The following EHBP1 variants were observed in gnomAD, a reference collection of about 807,000 sequenced individuals.
EHBP1 encodes EH domain binding protein 1.
Under a neutral mutation model 144.0 loss-of-function variants are expected in EHBP1, and 55 were observed. That is an observed-to-expected ratio of 0.38 (90% confidence interval 0.31 to 0.48). EHBP1 has a LOEUF of 0.48. Among genes scored for constraint, EHBP1 ranks in the 20% least tolerant of loss-of-function variants. The pLI is 0.98. For synonymous variants in EHBP1, 469 were observed against 472.7 expected (o/e 0.99, Z 0.10); for missense variants, 1,200 against 1,364.2 (o/e 0.88, Z 1.90).
At chr2:63,015,676 G>A (rs1478368351) in intron 19 of EHBP1, among the ~76,000 whole-genome samples, 3 of 151,892 alleles carry the variant, frequency 2.0e-5, no homozygotes, top group Admixed American at 2.0e-4. Flanking sequence ...ACATTAATAT[G>A]TCTATTTTCA....
intron 10 of EHBP1, among the ~76,000 whole-genome samples, chr2:62,880,461 A>G (rs769199665): frequency 2.0e-5 from 3 of 152,184 alleles, no homozygotes; most frequent in Non-Finnish European, 4.4e-5. Flanking sequence ...GAGTAAACAG[A>G]CAATCTACAG....
In EHBP1 at chr2:62,731,894, G is replaced by A. The variant is rs533090495; in HGVS notation, c.105-15501G>A. Among the ~76,000 whole-genome samples, 5 of 152,168 alleles carry A rather than the reference G, an allele frequency of 3.3e-5. No homozygotes were observed. The South Asian group carries it at 8.3e-4, about 25-fold the overall frequency. ...ATTTTTTACAAAACAGTTGTCATAA[G>A]GGAAGTCTATTGGTGATAAATTTTT... On this transcript the variant is annotated intron_variant, in intron 2 of 22. Coordinates refer to ENST00000431489, the MANE Select transcript of EHBP1 (RefSeq NM_001142616.3).
chr2:62,740,469 G>A (rs1221620508), intron 2 of EHBP1, among the ~76,000 whole-genome samples: 1 of 152,048 alleles, frequency 6.6e-6, no homozygotes, highest in African/African-American at 2.4e-5. Flanking sequence ...ACCTACTGAA[G>A]GATAAAAATA....
chr2:63,026,480 A>G (rs1048031770), intron 19 of EHBP1, among the ~76,000 whole-genome samples: 1 of 152,118 alleles, frequency 6.6e-6, no homozygotes, highest in Non-Finnish European at 1.5e-5. Flanking sequence ...TCTTCACAGA[A>G]CTCTATGAAA....
intron 10 of EHBP1, among the ~76,000 whole-genome samples, chr2:62,875,428 C>T (rs2050812424): frequency 6.6e-6 from 1 of 152,190 alleles, no homozygotes; most frequent in African/African-American, 2.4e-5. Context: ...GTCATCTGAA[C>T]ACAACTTATA....
chr2:62,689,806 T>G (rs2033842900), intron 1 of EHBP1, among the ~76,000 whole-genome samples: 1 of 152,250 alleles, frequency 6.6e-6, no homozygotes. Flanking sequence ...GTTTATTTGT[T>G]CTTGTGTTTA....
chr2:63,031,796 G>A lies in EHBP1; in HGVS notation c.3104-5739G>A, dbSNP rs375747063. 1.2e-4 allele frequency among the ~76,000 whole-genome samples: 18 copies of A among 152,168 alleles called. 1 individual carries two copies. In the South Asian group the frequency reaches 1.5e-3, roughly 12 times the overall value. On this transcript the variant is annotated intron_variant, in intron 19 of 22. Coordinates refer to ENST00000431489, the MANE Select transcript of EHBP1 (RefSeq NM_001142616.3). ...ATACAAAAATCAGCCAGGTGTGGTG[G>A]CGCACACCTGTGATCCCAGCAACAC...
chr2:62,705,198 C>G (rs1307536509), upstream of EHBP1, among the ~76,000 whole-genome samples: 1 of 152,050 alleles, frequency 6.6e-6, no homozygotes, highest in Non-Finnish European at 1.5e-5. Flanking sequence ...CGCAAAAACC[C>G]TAGTTGCCAG....
intron 1 of EHBP1, among the ~76,000 whole-genome samples, chr2:62,681,857 G>C (rs961076656): frequency 6.6e-6 from 1 of 152,128 alleles, no homozygotes; most frequent in Admixed American, 6.5e-5. Context: ...GTGATGGAAA[G>C]AACACAAATG....
chr2:62,709,032 G>C (rs1572907088), intron 2 of EHBP1, among the ~76,000 whole-genome samples: 1 of 152,162 alleles, frequency 6.6e-6, no homozygotes, highest in Non-Finnish European at 1.5e-5. Flanking sequence ...AAGATTATGA[G>C]CAGAAGAGAC....
intron 5 of EHBP1, among the ~76,000 whole-genome samples, chr2:62,773,365 A>T (rs1379017650): frequency 6.6e-6 from 1 of 152,048 alleles, no homozygotes; most frequent in Admixed American, 6.6e-5. Context: ...CAGTTTTCTG[A>T]GATGTGTACA....
At chr2:62,955,815 A>G (rs1361687588) in intron 14 of EHBP1, 155 bp downstream of exon 14, 1 of 682,396 alleles carries the variant, frequency 1.5e-6, no homozygotes, top group Non-Finnish European at 2.3e-6. Flanking sequence ...ATAAATTCAT[A>G]CTTGTAGGAC....
chr2:63,043,917 G>GTTTTTT (rs1559110359), intron 21 of EHBP1: 5 of 36,198 alleles, frequency 1.4e-4, no homozygotes, highest in Admixed American at 4.4e-4. Context: ...AGTGGCCATG[G>GTTTTTT]TTCTTTTTTT....
chr2:63,004,772 G>A (rs1233335016), intron 19 of EHBP1, among the ~76,000 whole-genome samples: 1 of 151,864 alleles, frequency 6.6e-6, no homozygotes, highest in Non-Finnish European at 1.5e-5. Context: ...AATTAGTAAT[G>A]GATCCCCTTA....
At chr2:62,833,245 A>T (rs1031331009) in intron 7 of EHBP1, among the ~76,000 whole-genome samples, 1 of 152,248 alleles carries the variant, frequency 6.6e-6, no homozygotes, top group Admixed American at 6.5e-5. Context: ...AGGTTGGTTC[A>T]TAAGGTTTAA....
intron 3 of EHBP1, among the ~76,000 whole-genome samples, chr2:62,760,044 TAA>T (rs1203788095): frequency 3.9e-5 from 6 of 152,078 alleles, no homozygotes; most frequent in African/African-American, 1.4e-4. Flanking sequence ...AATCTGCACA[TAA>T]AGTCCTGAAG....
At chr2:62,975,443 G>T (rs1296739480) in intron 14 of EHBP1, among the ~76,000 whole-genome samples, 2 of 152,154 alleles carry the variant, frequency 1.3e-5, no homozygotes, top group Non-Finnish European at 2.9e-5. Flanking sequence ...GGCCATCTTT[G>T]GAAAATACAG....
chr2:62,775,886 C>A (rs1318142945), intron 5 of EHBP1, among the ~76,000 whole-genome samples: 1 of 152,122 alleles, frequency 6.6e-6, no homozygotes, highest in East Asian at 1.9e-4. Context: ...TGCCCTTAAC[C>A]CCTACTGCAA....
In EHBP1 at chr2:62,696,508, C is replaced by CT. The variant is rs869081763; in HGVS notation, c.-295-10366dup. ...TTTCTTTTCTTTTCTTTTTTTTCTTCTTTTTTTTTTTTTTTTTTTTTTTGA... is the reference window on the plus strand; with the variant it reads ...TTTCTTTTCTTTTCTTTTTTTTCTTCTTTTTTTTTTTTTTTTTTTTTTTTGA... On this transcript the variant is annotated intron_variant, in intron 1 of 22. Transcript: ENST00000405015. 8.6e-3 allele frequency among the ~76,000 whole-genome samples: 661 copies of CT among 76,702 alleles called. 6 individuals are homozygous for CT. The highest frequency in any genetic ancestry group is 0.024 in the East Asian group (59 of 2,500). 50.3% of individuals were successfully genotyped at this position (76,702 alleles called of 152,430 possible). A position where few individuals can be genotyped will look rare whatever the true frequency, so the allele number is the denominator to read the frequency against.
Sources: allele counts gnomAD v4.1 joint callset (sites outside exome capture counted in the v4.1 genomes callset), GRCh38; gene constraint gnomAD v4.1.1; transcripts MANE v1.5; gene names NCBI Gene and HGNC (gene_info 2026-07-23, HGNC 2026-07-21).